Variants in ADNP observed in about 807,000 individuals in gnomAD.
ADNP encodes activity-dependent neuroprotector homeobox protein.
Under a neutral mutation model 84.9 loss-of-function variants are expected in ADNP, and 4 were observed. The ratio of observed to expected loss-of-function variants is 0.05; its 90% CI spans 0.02 to 0.11. The LOEUF is 0.11. ADNP is among the 10% of genes least tolerant of loss of function. The pLI, the probability that ADNP is intolerant of heterozygous loss-of-function variation, is 1.00. For synonymous variants in ADNP, 554 were observed against 468.1 expected (o/e 1.18, Z -2.37); for missense variants, 1,132 against 1,326.0 (o/e 0.85, Z 2.27).
At chr20:50,898,559 G>T (rs1233995013) in intron 5 of ADNP, among the ~76,000 whole-genome samples, 1 of 152,230 alleles carries the variant, frequency 6.6e-6, no homozygotes, top group Non-Finnish European at 1.5e-5. Flanking sequence ...CAAGATCATA[G>T]CTATGGTAAA....
At position 50,890,679 on chromosome 20, in the gene ADNP, G is replaced by A. The variant is rs544361599; in HGVS notation, c.*726C>T. The A allele has an allele frequency of 3.2e-5, 5 of 153,904 alleles. No individual in the cohort carries two copies. Among genetic ancestry groups the A allele is most frequent in the Admixed American group, 6.5e-5 (1 of 15,292 alleles). The allele number at this position is 153,904 out of a possible 1,614,324, so 9.5% of individuals were successfully genotyped here. A position where few individuals can be genotyped will look rare whatever the true frequency, so the allele number is the denominator to read the frequency against. The stretch of plus-strand genomic sequence containing the variant: ...TGTTTTTGACAGCTGTAATGTCAAG[G>A]ATATTCAGAACAAGAAAAATCCTAT... On this transcript the variant is annotated 3_prime_UTR_variant, in exon 6 of 6. Coordinates refer to ENST00000621696, the MANE Select transcript of ADNP (RefSeq NM_001282531.3).
intron 2 of ADNP, among the ~76,000 whole-genome samples, chr20:50,924,126 GA>G (rs1420690843): frequency 1.3e-5 from 2 of 152,132 alleles, no homozygotes; most frequent in African/African-American, 4.8e-5. Context: ...TTCAGAAAAA[GA>G]AAGGGTAAAA....
At chr20:50,902,234 TTAAAC>T in intron 4 of ADNP, 125 bp from the exon 5 acceptor site, 1 of 670,102 alleles carries the variant, frequency 1.5e-6, no homozygotes, top group Non-Finnish European at 2.6e-6. Flanking sequence ...CAACAAGGAC[TTAAAC>T]TAGGAGTGAT....
chr20:50,924,015 A>G (rs1000868695), intron 2 of ADNP, among the ~76,000 whole-genome samples: 12 of 152,236 alleles, frequency 7.9e-5, no homozygotes, highest in African/African-American at 2.4e-5. Flanking sequence ...GAGACCACTC[A>G]AAAGGTTCTC....
intron 2 of ADNP, among the ~76,000 whole-genome samples, chr20:50,919,757 C>T (rs1468743926): frequency 6.6e-6 from 1 of 152,078 alleles, no homozygotes; most frequent in African/African-American, 2.4e-5. Context: ...GTTCCAGAGG[C>T]CGGAAAGCAA....
chr20:50,891,324 A>C lies in ADNP; in HGVS notation c.*81T>G, dbSNP rs1445504709. 8.7e-5 allele frequency: 128 copies of C among 1,468,610 alleles called. No homozygotes were observed. The highest frequency in any genetic ancestry group is 1.1e-4 in the Non-Finnish European group (125 of 1,117,314). The allele number at this position is 1,468,610 out of a possible 1,614,324, so 91.0% of individuals were successfully genotyped here. A position where few individuals can be genotyped will look rare whatever the true frequency, so the allele number is the denominator to read the frequency against. The stretch of plus-strand genomic sequence containing the variant: ...CAACCAGTACTCACAAGGCAGTACC[A>C]GTGAGAAGACAGCTTTGCAGTCACA... On this transcript the variant is annotated 3_prime_UTR_variant, in exon 6 of 6. Transcript: ENST00000621696.
intron 2 of ADNP, among the ~76,000 whole-genome samples, chr20:50,919,305 A>ATATATG (rs1555815817): frequency 6.6e-5 from 9 of 136,890 alleles, no homozygotes; most frequent in African/African-American, 2.4e-4. Flanking sequence ...ATATATATAT[A>ATATATG]TATATATATA....
intron 5 of ADNP, among the ~76,000 whole-genome samples, chr20:50,894,960 CA>C (rs201882534): frequency 8.8e-5 from 13 of 148,448 alleles, no homozygotes; most frequent in Admixed American, 5.4e-4. Context: ...AATAGAAACT[CA>C]AAAAAAAAGC....
chr20:50,930,917 GGCGGCA>G lies in ADNP; in HGVS notation c.-362_-357del, dbSNP rs1346565554. 1 of 145,682 alleles carries G rather than the reference GGCGGCA, an allele frequency of 6.9e-6. No individual in the cohort carries two copies. Among genetic ancestry groups the G allele is most frequent in the Non-Finnish European group, 1.5e-5 (1 of 65,368 alleles). 9.0% of individuals were successfully genotyped at this position (145,682 alleles called of 1,614,324 possible). A position where few individuals can be genotyped will look rare whatever the true frequency, so the allele number is the denominator to read the frequency against. On this transcript the variant is annotated 5_prime_UTR_variant, in exon 1 of 6. Transcript: ENST00000621696. ...GGGCGGATGGCGGCGGCACGGCGGT[GGCGGCA>G]GCGGGGAGGGCGCGCCCGGGGCCTC...
intron 2 of ADNP, among the ~76,000 whole-genome samples, chr20:50,923,838 G>GT (rs1380140568): frequency 6.6e-6 from 1 of 152,156 alleles, no homozygotes; most frequent in Non-Finnish European, 1.5e-5. Flanking sequence ...GTTTTTAAGT[G>GT]TAACTGATCT....
intron 2 of ADNP, among the ~76,000 whole-genome samples, chr20:50,908,147 G>GTTTTT (rs142605027): frequency 6.6e-5 from 7 of 105,914 alleles, no homozygotes; most frequent in Admixed American, 5.1e-4. Context: ...AGATTTTTCT[G>GTTTTT]TTTTTTTTTT....
intron 2 of ADNP, among the ~76,000 whole-genome samples, chr20:50,925,474 A>G (rs2123001868): frequency 6.6e-6 from 1 of 152,280 alleles, no homozygotes; most frequent in South Asian, 2.1e-4. Context: ...TGAGAGGATG[A>G]AGGAACATAA....
At chr20:50,923,181 A>G (rs1287521299) in intron 2 of ADNP, among the ~76,000 whole-genome samples, 2 of 152,230 alleles carry the variant, frequency 1.3e-5, no homozygotes, top group African/African-American at 4.8e-5. Context: ...GGACACGCAG[A>G]TATGTCCATT....
At position 50,891,437 on chromosome 20, in the gene ADNP, C is replaced by T. The variant is rs1166713977; in HGVS notation, c.3277G>A (p.Ala1093Thr). 5 of 1,611,158 alleles carry T rather than the reference C, an allele frequency of 3.1e-6. No homozygotes were observed. Among genetic ancestry groups the T allele is most frequent in the Non-Finnish European group, 4.2e-6 (5 of 1,179,272 alleles). ...TGTTGGCTGCTCAGTTTAACTCCGG[C>T]TAAGCTGCCATGCATGGGCTCAGCT... ...GVAEPMHGSL[A>T]GVKLSSQQA is the part of the protein sequence containing the mutation. Residue 1093 changes from alanine (A) to threonine (T), a missense_variant, in exon 6 of 6, where the codon GCC (alanine) becomes ACC (threonine). Physicochemically the swap from Ala to Thr is moderately conservative, Grantham distance 58. This residue lies in a region of ADNP where 381 missense variants were observed against 319.9 expected (regional missense o/e 1.19). Transcript: ENST00000621696.
intron 2 of ADNP, among the ~76,000 whole-genome samples, chr20:50,922,951 C>T (rs963131258): frequency 2.0e-5 from 3 of 152,026 alleles, no homozygotes; most frequent in Non-Finnish European, 4.4e-5. Flanking sequence ...GGGCCAACAC[C>T]CTCTCTCTAG....
At chr20:50,922,403 T>C (rs1450192718) in intron 2 of ADNP, among the ~76,000 whole-genome samples, 1 of 152,126 alleles carries the variant, frequency 6.6e-6, no homozygotes, top group Non-Finnish European at 1.5e-5. Flanking sequence ...TTGAGTTCTA[T>C]TAATTTGCTG....
intron 2 of ADNP, among the ~76,000 whole-genome samples, chr20:50,908,681 G>A (rs1463158172): frequency 6.6e-6 from 1 of 152,138 alleles, no homozygotes; most frequent in African/African-American, 2.4e-5. Flanking sequence ...GGCTGAGATA[G>A]GAGAATGGTG....
At chr20:50,902,985 AG>A (rs1982132087) in intron 4 of ADNP, among the ~76,000 whole-genome samples, 1 of 152,238 alleles carries the variant, frequency 6.6e-6, no homozygotes, top group Non-Finnish European at 1.5e-5. Context: ...ATACTCTTCA[AG>A]TATTATTAGT....
chr20:50,917,996 A>C (rs372028297), intron 2 of ADNP, among the ~76,000 whole-genome samples: 1 of 152,238 alleles, frequency 6.6e-6, no homozygotes, highest in Non-Finnish European at 1.5e-5. Context: ...TACTTAGAAT[A>C]AACAAATTCA....
Sources: gnomAD v4.1 joint callset for allele counts (sites outside exome capture counted in the v4.1 genomes callset) on GRCh38, gnomAD v4.1.1 for gene constraint, gnomAD v4.1.1 regional missense constraint, MANE v1.5 for transcripts, NCBI Gene and HGNC (gene_info 2026-07-23, HGNC 2026-07-21) for gene names.